THUMPD3: variants seen among roughly 807,000 people sequenced by gnomAD.
THUMPD3 encodes THUMP domain 3 tRNA guanosine methyltransferase, also known as tRNA (guanine(6)-N(2))-methyltransferase THUMP3.
A neutral mutation model predicts 54.5 loss-of-function variants in THUMPD3; 44 were observed. The observed-to-expected ratio is 0.81, with a 90% CI of 0.63 to 1.04. THUMPD3 has a LOEUF of 1.04. Among genes scored for constraint, THUMPD3 ranks in the 50% least tolerant of loss-of-function variants. The pLI is 0.00. For missense variants in THUMPD3, 604 were observed against 601.3 expected, an observed-to-expected ratio of 1.00 and a Z score of -0.05; for synonymous variants, 196 against 201.4, an observed-to-expected ratio of 0.97 and a Z score of 0.23.
rs2032798558 is a variant in THUMPD3, at chr3:9,380,504, G to A, written c.1010G>A (p.Gly337Glu). ...TTAACATACACTCTTATCTTTTAGG[G>A]GGCCACTGAATGGTCTGACTGTTTC... ...MCGTGAIPIE[G>E]ATEWSDCFHI... Residue 337 changes from glycine (G) to glutamate (E), a missense_variant and splice_region_variant, in exon 7 of 10, where the codon GGG (glycine) becomes GAG (glutamate). Physicochemically the swap from Gly to Glu is moderately conservative, Grantham distance 98 (BLOSUM62 -2). Coordinates refer to ENST00000452837, the MANE Select transcript of THUMPD3 (RefSeq NM_001114092.2). 6.3e-7 allele frequency: 1 copy of A among 1,595,342 alleles called. No homozygotes were observed. Among genetic ancestry groups the A allele is most frequent in the Non-Finnish European group, 8.6e-7 (1 of 1,166,086 alleles).
At chr3:9,368,051 C>T (rs963795001) in intron 3 of THUMPD3, among the ~76,000 whole-genome samples, 4 of 151,116 alleles carry the variant, frequency 2.6e-5, no homozygotes, top group African/African-American at 9.7e-5. Context: ...GGCGACAGAG[C>T]GAGACTCCAT....
chr3:9,377,664 C>T (rs1299698259), intron 5 of THUMPD3, among the ~76,000 whole-genome samples, 155 bp from the exon 6 acceptor site: 1 of 152,150 alleles, frequency 6.6e-6, no homozygotes, highest in Admixed American at 6.5e-5. Flanking sequence ...CGTGAGTCAC[C>T]GTGCGCGGCC....
chr3:9,366,020 A>G (rs13085282), intron 2 of THUMPD3, among the ~76,000 whole-genome samples: 23 of 152,088 alleles, frequency 1.5e-4, no homozygotes, highest in Non-Finnish European at 2.9e-4. Flanking sequence ...GGATTGCTAC[A>G]TTTTTAGAGG....
At chr3:9,374,185 A>G (rs1227063538) in intron 4 of THUMPD3, among the ~76,000 whole-genome samples, 3 of 152,190 alleles carry the variant, frequency 2.0e-5, no homozygotes, top group African/African-American at 7.2e-5. Flanking sequence ...CGTTCATTTT[A>G]ATATCTATTA....
Position 9,367,457 on chromosome 3 carries a change from A to G in THUMPD3, c.330+472A>G, listed in dbSNP as rs564268296. Among the ~76,000 whole-genome samples, 10 of 152,316 alleles carry G rather than the reference A, an allele frequency of 6.6e-5. No homozygotes were observed. The South Asian group carries it at 1.2e-3, about 19-fold the overall frequency. ...TGTTAGGACAACAGCTTTGTCTCCA[A>G]TATGTATTTAGCATCTGAATCCTAA... On this transcript the variant is annotated intron_variant, in intron 3 of 9. Transcript: ENST00000452837.
chr3:9,382,242 T>A (rs370269590), intron 7 of THUMPD3, among the ~76,000 whole-genome samples: 2 of 152,216 alleles, frequency 1.3e-5, no homozygotes, highest in East Asian at 3.8e-4. Context: ...AATTCTTCAT[T>A]AAATGTCAAT....
chr3:9,366,972 T>A lies in THUMPD3; in HGVS notation c.317T>A (p.Phe106Tyr). Reference protein sequence around the residue: ...VVVQEFQDYQFKQTKEEVLKD... With the variant: ...VVVQEFQDYQYKQTKEEVLKD... ...GTTCAGGAGTTTCAAGATTACCAGTTCAAACAAACAAAGGTGAGCTATCCT... is the reference window on the plus strand; with the variant it reads ...GTTCAGGAGTTTCAAGATTACCAGTACAAACAAACAAAGGTGAGCTATCCT... The change falls in exon 3 of 10, where the codon TTC becomes TAC. Residue 106 changes from phenylalanine to tyrosine, a missense_variant. Coordinates refer to ENST00000452837, the MANE Select transcript of THUMPD3 (RefSeq NM_001114092.2). 1 of 1,613,544 alleles carries A rather than the reference T, an allele frequency of 6.2e-7. No individual in the cohort carries two copies. The highest frequency in any genetic ancestry group is 8.5e-7 in the Non-Finnish European group (1 of 1,179,782).
At position 9,367,002 on chromosome 3, in the gene THUMPD3, A is replaced by G. The variant is rs200938759; in HGVS notation, c.330+17A>G. On this transcript the variant is annotated intron_variant, in intron 3 of 9. Coordinates refer to ENST00000452837, the MANE Select transcript of THUMPD3 (RefSeq NM_001114092.2). ...CAAACAAAGGTGAGCTATCCTAAAC[A>G]TGGTGGCTGATTTTTGGCTGTCTTC... 1 of 1,592,024 alleles carries G rather than the reference A, an allele frequency of 6.3e-7. No homozygotes were observed. The highest frequency in any genetic ancestry group is 8.6e-7 in the Non-Finnish European group (1 of 1,168,958).
intron 5 of THUMPD3, among the ~76,000 whole-genome samples, chr3:9,375,382 G>T (rs145441532): frequency 6.6e-6 from 1 of 152,130 alleles, no homozygotes; most frequent in African/African-American, 2.4e-5. Flanking sequence ...AGCAACTCAG[G>T]AATCATCCTA....
chr3:9,365,822 C>T (rs927798221), intron 2 of THUMPD3, among the ~76,000 whole-genome samples: 1 of 152,086 alleles, frequency 6.6e-6, no homozygotes, highest in Non-Finnish European at 1.5e-5. Context: ...GAACTCCTAA[C>T]CCCGTGATCC....
At position 9,381,756 on chromosome 3, in the gene THUMPD3, C is replaced by CTTTTTTT. The variant is rs753480713; in HGVS notation, c.1124+1173_1124+1179dup. The stretch of plus-strand genomic sequence containing the variant: ...ACCTACACTGTCTGTTCAACCCGTA[C>CTTTTTTT]TTTTTTTTTTTTTTTTTTTTTTTTT... On this transcript the variant is annotated intron_variant, in intron 7 of 9. Coordinates refer to ENST00000452837, the MANE Select transcript of THUMPD3 (RefSeq NM_001114092.2). Among the ~76,000 whole-genome samples, 13 of 44,370 alleles carry CTTTTTTT rather than the reference C, an allele frequency of 2.9e-4. 6 individuals are homozygous for CTTTTTTT. Among genetic ancestry groups the CTTTTTTT allele is most frequent in the African/African-American group, 4.1e-4 (4 of 9,752 alleles). The allele number at this position is 44,370 out of a possible 152,430, so 29.1% of individuals were successfully genotyped here.
chr3:9,386,378 C>G lies in THUMPD3; in HGVS notation c.*1690C>G, dbSNP rs1208427366. 7.4e-6 allele frequency: 1 copy of G among 135,368 alleles called. No individual in the cohort carries two copies. The highest frequency in any genetic ancestry group is 2.7e-4 in the East Asian group (1 of 3,720). The allele number at this position is 135,368 out of a possible 1,614,324, so 8.4% of individuals were successfully genotyped here. A position where few individuals can be genotyped will look rare whatever the true frequency, so the allele number is the denominator to read the frequency against. ...TTTCACCACGATGTCTTTCCCCACC[C>G]CCCCACCCCCCACTCCACCCCCCAC... On this transcript the variant is annotated 3_prime_UTR_variant, in exon 10 of 10. Coordinates refer to ENST00000452837, the MANE Select transcript of THUMPD3 (RefSeq NM_001114092.2).
chr3:9,374,644 C>A lies in THUMPD3; in HGVS notation c.936C>A (p.Leu312=). ...GATCAACTCTTGCCTATGGGATGCT[C>A]AGGTAAGAAAATGAGTTTGCCATCC... The part of the protein sequence containing the change: ...TLRSTLAYGM[L]RLCDPLPYDI... Residue 312 remains leucine (L), a splice_region_variant and synonymous_variant, in exon 5 of 10, where the codon CTC becomes CTA. Transcript: ENST00000452837. 1 of 1,612,958 alleles carries A rather than the reference C, an allele frequency of 6.2e-7. No homozygotes were observed. The highest frequency in any genetic ancestry group is 1.1e-5 in the South Asian group (1 of 90,910).
chr3:9,380,594 T>C lies in THUMPD3; in HGVS notation c.1100T>C (p.Leu367Ser). 1 of 1,612,962 alleles carries C rather than the reference T, an allele frequency of 6.2e-7. No individual in the cohort carries two copies. The change falls in exon 7 of 10, where the codon TTG becomes TCG. Residue 367 changes from leucine to serine, a missense_variant. By Grantham distance (145) the Leu-to-Ser change is moderately radical. Coordinates refer to ENST00000452837, the MANE Select transcript of THUMPD3 (RefSeq NM_001114092.2). The part of the protein sequence containing the change: ...NRAANNIASL[L>S]TKSQIKEGKP... ...GCAGCAAATAACATTGCATCTTTATTGACCAAGAGCCAAATTAAAGAAGGG... is the reference window on the plus strand; with the variant it reads ...GCAGCAAATAACATTGCATCTTTATCGACCAAGAGCCAAATTAAAGAAGGG...
chr3:9,385,987 C>G lies in THUMPD3; in HGVS notation c.*1299C>G, dbSNP rs1177766443. 6.6e-6 allele frequency: 1 copy of G among 152,124 alleles called. No individual in the cohort carries two copies. Among genetic ancestry groups the G allele is most frequent in the Non-Finnish European group, 1.5e-5 (1 of 68,028 alleles). 9.4% of individuals were successfully genotyped at this position (152,124 alleles called of 1,614,324 possible). A position where few individuals can be genotyped will look rare whatever the true frequency, so the allele number is the denominator to read the frequency against. ...ATCATAGTATTGTTTATTTTGGAGC[C>G]TCTGGCTGCAATCAGTATAGATTTT... On this transcript the variant is annotated 3_prime_UTR_variant, in exon 10 of 10. Transcript: ENST00000452837.
At chr3:9,364,574 T>A (rs1363550186) in intron 1 of THUMPD3, among the ~76,000 whole-genome samples, 1 of 152,120 alleles carries the variant, frequency 6.6e-6, no homozygotes, top group Non-Finnish European at 1.5e-5. Flanking sequence ...CTTGAACTCC[T>A]GACCTCAGGC....
chr3:9,375,208 T>C (rs73026944), intron 5 of THUMPD3, among the ~76,000 whole-genome samples: 1,857 of 152,304 alleles, frequency 0.012, 20 homozygotes, highest in Middle Eastern at 0.024. Context: ...TTGAATGAGG[T>C]TACCACATTT....
At chr3:9,363,220 G>C (rs917138831) in intron 1 of THUMPD3, 93 bp downstream of exon 1, 1 of 152,298 alleles carries the variant, frequency 6.6e-6, no homozygotes, top group Admixed American at 6.5e-5. Flanking sequence ...AGTTGAGGCC[G>C]GCGCCGAGCC....
chr3:9,375,615 C>T (rs1664279903), intron 5 of THUMPD3, among the ~76,000 whole-genome samples: 1 of 152,178 alleles, frequency 6.6e-6, no homozygotes, highest in African/African-American at 2.4e-5. Context: ...CCTGGTATGT[C>T]CTGGTAGTTA....
Sources: gnomAD v4.1 joint callset for allele counts (sites outside exome capture counted in the v4.1 genomes callset) on GRCh38, gnomAD v4.1.1 for gene constraint, MANE v1.5 for transcripts, NCBI Gene and HGNC (gene_info 2026-07-23, HGNC 2026-07-21) for gene names.